BICRAL: variants seen among roughly 807,000 people sequenced by gnomAD.
BICRAL encodes BRD4-interacting chromatin-remodeling complex-associated protein-like.
In BICRAL, 8 loss-of-function variants were observed where a neutral mutation model predicts 91.8. The observed-to-expected ratio is 0.09, with a 90% CI of 0.05 to 0.16. BICRAL has a LOEUF of 0.16. Ranked by LOEUF, BICRAL falls within the 10% of genes least tolerant of loss-of-function variation. BICRAL has a pLI of 1.00. For missense variants in BICRAL, 1,038 were observed against 1,310.9 expected, an observed-to-expected ratio of 0.79 and a Z score of 3.21; for synonymous variants, 445 against 491.1, an observed-to-expected ratio of 0.91 and a Z score of 1.24.
chr6:42,787,209 T>G (rs978547994), intron 1 of BICRAL, among the ~76,000 whole-genome samples: 1 of 152,118 alleles, frequency 6.6e-6, no homozygotes, highest in Non-Finnish European at 1.5e-5. Context: ...GAATCAAGGG[T>G]GCCTTCAGGT....
intron 1 of BICRAL, among the ~76,000 whole-genome samples, chr6:42,758,470 G>T (rs755018963): frequency 1.3e-5 from 2 of 152,072 alleles, no homozygotes; most frequent in Non-Finnish European, 1.5e-5. Flanking sequence ...CCATGTATTC[G>T]TGCTGCACTT....
intron 2 of BICRAL, among the ~76,000 whole-genome samples, chr6:42,819,613 A>G (rs541896373): frequency 2.8e-4 from 43 of 152,176 alleles, no homozygotes; most frequent in Admixed American, 9.2e-4. Context: ...ATCATAGACA[A>G]TTTTACAATT....
intron 6 of BICRAL, among the ~76,000 whole-genome samples, chr6:42,836,057 A>G (rs1294980849): frequency 2.0e-5 from 3 of 152,322 alleles, no homozygotes; most frequent in African/African-American, 7.2e-5. Flanking sequence ...CAGAAGCCTC[A>G]CTGTAAGTTC....
At chr6:42,807,187 ATTTAG>A (rs1401112660) in intron 1 of BICRAL, among the ~76,000 whole-genome samples, 1 of 151,186 alleles carries the variant, frequency 6.6e-6, no homozygotes, top group Non-Finnish European at 1.5e-5. Flanking sequence ...TTATTTATGT[ATTTAG>A]TTATTTATTT....
intron 6 of BICRAL, among the ~76,000 whole-genome samples, chr6:42,844,719 T>C (rs1302294933): frequency 2.0e-5 from 3 of 151,968 alleles, no homozygotes; most frequent in African/African-American, 7.2e-5. Context: ...GCAGGAGGTG[T>C]GCTCATGAGC....
upstream of BICRAL, among the ~76,000 whole-genome samples, chr6:42,778,974 C>A (rs913689138): frequency 6.6e-6 from 1 of 151,858 alleles, no homozygotes; most frequent in Non-Finnish European, 1.5e-5. Context: ...CCTGCCACCA[C>A]GCCTGGCTAA....
At chr6:42,855,831 A>G in intron 8 of BICRAL, 25 bp from the exon 9 acceptor site, 2 of 1,589,586 alleles carry the variant, frequency 1.3e-6, no homozygotes, top group Non-Finnish European at 1.7e-6. Flanking sequence ...AAAAGGGAAT[A>G]ATAAGAGGTT....
intron 1 of BICRAL, among the ~76,000 whole-genome samples, chr6:42,762,801 G>A (rs145968836): frequency 2.0e-5 from 3 of 152,076 alleles, no homozygotes; most frequent in African/African-American, 2.4e-5. Flanking sequence ...GGTGGTACAC[G>A]CCTGTAGTCC....
chr6:42,840,702 A>G (rs530708081), intron 6 of BICRAL, among the ~76,000 whole-genome samples: 1 of 151,976 alleles, frequency 6.6e-6, no homozygotes, highest in Non-Finnish European at 1.5e-5. Flanking sequence ...ATGCCTGGCT[A>G]AGTTTTGTAT....
chr6:42,855,703 T>G (rs891710779), intron 8 of BICRAL, among the ~76,000 whole-genome samples, 153 bp from the exon 9 acceptor site: 2 of 152,004 alleles, frequency 1.3e-5, no homozygotes, highest in African/African-American at 2.4e-5. Context: ...TGTACTGGTT[T>G]TTTTTTTTTT....
chr6:42,753,307 T>C (rs974452692), intron 1 of BICRAL, among the ~76,000 whole-genome samples: 1 of 151,896 alleles, frequency 6.6e-6, no homozygotes, highest in African/African-American at 2.4e-5. Context: ...CAAGGGATCC[T>C]CCTGCCTCGG....
chr6:42,858,184 C>A (rs1010852360), intron 10 of BICRAL, among the ~76,000 whole-genome samples: 4 of 151,810 alleles, frequency 2.6e-5, no homozygotes, highest in Non-Finnish European at 5.9e-5. Flanking sequence ...CAAAATGAGT[C>A]CAGAGCATTG....
chr6:42,750,657 C>G, intron 1 of BICRAL, among the ~76,000 whole-genome samples: 1 of 151,950 alleles, frequency 6.6e-6, no homozygotes, highest in Non-Finnish European at 1.5e-5. Flanking sequence ...CTTACTGCAA[C>G]CTCCACCTCC....
intron 2 of BICRAL, among the ~76,000 whole-genome samples, chr6:42,815,068 C>T (rs1484895677): frequency 2.0e-5 from 3 of 151,080 alleles, no homozygotes; most frequent in South Asian, 2.1e-4. Context: ...CACCACCACG[C>T]CTGGCTCATT....
intron 1 of BICRAL, among the ~76,000 whole-genome samples, chr6:42,765,586 G>A (rs1762619510): frequency 6.6e-6 from 1 of 152,184 alleles, no homozygotes; most frequent in African/African-American, 2.4e-5. Context: ...CTTTTCATCT[G>A]AAGAATGATG....
intron 1 of BICRAL, among the ~76,000 whole-genome samples, chr6:42,770,719 GTT>G (rs1192610213): frequency 6.9e-6 from 1 of 144,890 alleles, no homozygotes; most frequent in African/African-American, 2.6e-5. Context: ...CCCGGTCAGT[GTT>G]TTTGTTTTTT....
chr6:42,828,557 G>C lies in BICRAL; in HGVS notation c.224G>C (p.Gly75Ala), dbSNP rs191804864. 37 of 1,613,960 alleles carry C rather than the reference G, an allele frequency of 2.3e-5. No individual in the cohort carries two copies. In the East Asian group the frequency reaches 7.8e-4, roughly 34 times the overall value. Reference sequence around the variant, plus strand: ...CAGCTTGGAGAAGGGCCCAGTGATGGACTGCCACTTTCAAGTAGCCTCCAG... The same window carrying C: ...CAGCTTGGAGAAGGGCCCAGTGATGCACTGCCACTTTCAAGTAGCCTCCAG... ...SNQLGEGPSDGLPLSSSLQFL... is the reference protein window; with the variant it reads ...SNQLGEGPSDALPLSSSLQFL... The change falls in exon 6 of 13, where the codon GGA (glycine) becomes GCA (alanine). Residue 75 changes from glycine (G) to alanine (A), a missense_variant. By Grantham distance (60) the Gly-to-Ala change is moderately conservative (BLOSUM62 0). Around this residue, in one of 5 missense-constraint regions of BICRAL, gnomAD observed 115 missense variants for 121.5 expected, o/e 0.95. Transcript: ENST00000314073.
chr6:42,822,088 G>A (rs1413678771), intron 3 of BICRAL, 25 bp downstream of exon 3: 7 of 1,532,888 alleles, frequency 4.6e-6, no homozygotes, highest in Non-Finnish European at 6.3e-6. Flanking sequence ...CCAAAACCTG[G>A]GTAAATCAAA....
At chr6:42,792,675 G>C (rs1763306320) in intron 1 of BICRAL, among the ~76,000 whole-genome samples, 1 of 151,886 alleles carries the variant, frequency 6.6e-6, no homozygotes, top group African/African-American at 2.4e-5. Flanking sequence ...CACTTTGGGA[G>C]GCCGAAGTAG....
Sources: gnomAD v4.1 joint callset for allele counts (sites outside exome capture counted in the v4.1 genomes callset) on GRCh38, gnomAD v4.1.1 for gene constraint, gnomAD v4.1.1 regional missense constraint, MANE v1.5 for transcripts, NCBI Gene and HGNC (gene_info 2026-07-23, HGNC 2026-07-21) for gene names.